NEK4: variants seen among roughly 807,000 people sequenced by gnomAD.
The protein encoded by NEK4 is NIMA related kinase 4, also known as serine/threonine-protein kinase Nek4.
NEK4 carries 86 observed loss-of-function variants against 98.4 expected under a neutral mutation model. That is an observed-to-expected ratio of 0.87 (90% CI 0.73 to 1.05). The LOEUF (loss-of-function observed/expected upper bound fraction) is 1.05, where lower values mean the gene tolerates loss of function less well. Ranked by LOEUF, NEK4 falls within the 50% of genes least tolerant of loss-of-function variation. The probability of loss-of-function intolerance (pLI) is 0.00; values close to 1 mark genes in which losing one functional copy is unlikely to be tolerated. For synonymous variants in NEK4, 328 were observed against 342.2 expected, an observed-to-expected ratio of 0.96 and a Z score of 0.46; for missense variants, 898 against 950.3, an observed-to-expected ratio of 0.94 and a Z score of 0.72.
At chr3:52,744,995 A>C (rs2097393522) in intron 10 of NEK4, among the ~76,000 whole-genome samples, 1 of 151,692 alleles carries the variant, frequency 6.6e-6, no homozygotes, top group Non-Finnish European at 1.5e-5. Flanking sequence ...AGCTCACTGC[A>C]AGCTCTGCCT....
At chr3:52,742,657 TAAG>T (rs1326412332) in intron 12 of NEK4, among the ~76,000 whole-genome samples, 1 of 152,036 alleles carries the variant, frequency 6.6e-6, no homozygotes, top group Non-Finnish European at 1.5e-5. Flanking sequence ...TTGACACAAA[TAAG>T]AAACTGAGGA....
chr3:52,746,920 A>G lies in NEK4; in HGVS notation c.1507-16T>C, dbSNP rs1330534200. On this transcript the variant is annotated splice_polypyrimidine_tract_variant and intron_variant, in intron 8 of 15. Coordinates refer to ENST00000233027, the MANE Select transcript of NEK4 (RefSeq NM_003157.6). ...CAACTTGATCCTTAAAAACAATAAA[A>G]TGACATTTTAAAGTATAGCAGCAAC... The G allele has an allele frequency of 2.5e-6, 4 of 1,597,400 alleles. No homozygotes were observed. Among genetic ancestry groups the G allele is most frequent in the Non-Finnish European group, 3.4e-6 (4 of 1,165,848 alleles).
At position 52,713,813 on chromosome 3, in the gene NEK4, A is replaced by G. The variant is rs1049831753; in HGVS notation, c.2434-1944T>C. Among the ~76,000 whole-genome samples the G allele has an allele frequency of 1.2e-4, 9 of 74,562 alleles. No individual in the cohort carries two copies. In the Admixed American group the frequency reaches 1.3e-3, roughly 11 times the overall value. The allele number at this position is 74,562 out of a possible 152,430, so 48.9% of individuals were successfully genotyped here. On this transcript the variant is annotated intron_variant, in intron 15 of 15. Transcript: ENST00000233027. ...CCCTCTCAAAAAAAAAAAAAAAAAA[A>G]AAGTCAAAGTCAGGAAAAACAAAGT...
chr3:52,750,317 G>A (rs2097402944), intron 7 of NEK4, among the ~76,000 whole-genome samples: 1 of 152,106 alleles, frequency 6.6e-6, no homozygotes, highest in Admixed American at 6.5e-5. Flanking sequence ...GGAGGCCAAG[G>A]CAGGCGATTC....
chr3:52,746,223 A>C lies in NEK4; in HGVS notation c.1678-13T>G, dbSNP rs186429523. 14,182 of 1,612,646 alleles carry C rather than the reference A, an allele frequency of 8.8e-3. 303 individuals are homozygous for C. Among genetic ancestry groups the C allele is most frequent in the South Asian group, 0.069 (6,300 of 90,976 alleles). Reference sequence around the variant, plus strand: ...GCGACTCTTGGAACTTAAATAATTAAAAAAGAAGATTATCAGTTTCATATA... The same window carrying C: ...GCGACTCTTGGAACTTAAATAATTACAAAAGAAGATTATCAGTTTCATATA... On this transcript the variant is annotated splice_polypyrimidine_tract_variant and intron_variant, in intron 9 of 15. Transcript: ENST00000233027.
chr3:52,737,371 G>A (rs879649432), intron 15 of NEK4: 1 of 463,774 alleles, frequency 2.2e-6, no homozygotes, highest in Non-Finnish European at 3.8e-6. Context: ...GCGGACCATG[G>A]GGAGTGACTG....
intron 15 of NEK4, among the ~76,000 whole-genome samples, chr3:52,736,782 T>C (rs1025490099): frequency 1.3e-5 from 2 of 152,172 alleles, no homozygotes; most frequent in African/African-American, 4.8e-5. Flanking sequence ...AGGCATACAT[T>C]AGTCTTTATC....
At chr3:52,744,100 C>A in intron 11 of NEK4, 139 bp downstream of exon 11, 1 of 705,894 alleles carries the variant, frequency 1.4e-6, no homozygotes, top group Non-Finnish European at 2.6e-6. Context: ...TAAGAAATTT[C>A]AAAATCTTTT....
In NEK4 at chr3:52,709,553, TAGCC is replaced by T. The variant is rs1323739126; in HGVS notation, c.*2220_*2223del. 2.0e-5 allele frequency: 3 copies of T among 151,332 alleles called. No individual in the cohort carries two copies. The highest frequency in any genetic ancestry group is 2.1e-4 in the South Asian group (1 of 4,780). The allele number at this position is 151,332 out of a possible 1,614,324, so 9.4% of individuals were successfully genotyped here. On this transcript the variant is annotated 3_prime_UTR_variant, in exon 16 of 16. Transcript: ENST00000233027. ...CCTCTCCACAAAAAATTTTAAAAAT[TAGCC>T]AGGTGTGGTGGTGCATGCCTGTGGT...
intron 1 of NEK4, 73 bp downstream of exon 1, chr3:52,770,581 C>A: frequency 8.4e-7 from 1 of 1,194,490 alleles, no homozygotes; most frequent in Non-Finnish European, 1.2e-6. Context: ...CACCCCCGAC[C>A]TAATCTACCG....
intron 15 of NEK4, among the ~76,000 whole-genome samples, chr3:52,719,424 A>G (rs2097358156): frequency 6.6e-6 from 1 of 152,042 alleles, no homozygotes; most frequent in African/African-American, 2.4e-5. Context: ...TCTCTACTAA[A>G]AATACAAAAT....
At chr3:52,739,005 T>C (rs188009141) in intron 14 of NEK4, among the ~76,000 whole-genome samples, 103 of 152,356 alleles carry the variant, frequency 6.8e-4, no homozygotes, top group African/African-American at 2.2e-3. Context: ...TATGGAGATA[T>C]GCAAATGAAA....
chr3:52,734,666 C>CAAA (rs59075830), intron 15 of NEK4: 110 of 71,176 alleles, frequency 1.5e-3, no homozygotes, highest in East Asian at 2.3e-3. Context: ...GACTCCGTCT[C>CAAA]AAAAAAAAAA....
chr3:52,742,785 C>T (rs903305654), intron 12 of NEK4, among the ~76,000 whole-genome samples: 26 of 152,106 alleles, frequency 1.7e-4, no homozygotes, highest in Admixed American at 5.2e-4. Flanking sequence ...TATTTATTTA[C>T]TTATTTATTT....
rs1698757717 is a variant in NEK4 at position 52,770,852 on chromosome 3, C to T, written c.-106G>A. ...GCCCGAGAGGGGGCAGTGGGGGCGG[C>T]TGTTGAGGCAGCCGGGCCCGGGCGG... is the stretch of plus-strand genomic sequence containing the variant. On this transcript the variant is annotated 5_prime_UTR_variant, in exon 1 of 16. Transcript: ENST00000233027. The T allele has an allele frequency of 4.0e-6, 4 of 997,368 alleles. 1 individual carries two copies. The highest frequency in any genetic ancestry group is 4.1e-5 in the Admixed American group (2 of 48,524). 61.8% of individuals were successfully genotyped at this position (997,368 alleles called of 1,614,324 possible).
At chr3:52,770,358 T>A (rs192725026) in intron 1 of NEK4, among the ~76,000 whole-genome samples, 1 of 102,670 alleles carries the variant, frequency 9.7e-6, no homozygotes, top group East Asian at 2.7e-4. Context: ...CGCATGCCAA[T>A]TAGTACAACA....
rs1162412256 is a variant in NEK4 at position 52,708,788 on chromosome 3, TTCAG to T, written c.*2985_*2988del. The T allele has an allele frequency of 2.6e-5, 4 of 152,076 alleles. No homozygotes were observed. The highest frequency in any genetic ancestry group is 6.5e-5 in the Admixed American group (1 of 15,278). 9.4% of individuals were successfully genotyped at this position (152,076 alleles called of 1,614,324 possible). A position where few individuals can be genotyped will look rare whatever the true frequency, so the allele number is the denominator to read the frequency against. ...AGCAGTAAAGGTTGTGCAGGTGATA[TTCAG>T]TAACACTGCAGTGTAGCCAGAGCAA... On this transcript the variant is annotated 3_prime_UTR_variant, in exon 16 of 16. Coordinates refer to ENST00000233027, the MANE Select transcript of NEK4 (RefSeq NM_003157.6).
At chr3:52,712,626 T>C (rs2154101681) in intron 15 of NEK4, among the ~76,000 whole-genome samples, 1 of 152,186 alleles carries the variant, frequency 6.6e-6, no homozygotes, top group Non-Finnish European at 1.5e-5. Context: ...TTTTATTGAG[T>C]GAAAGTAGCT....
chr3:52,719,539 C>T (rs543909122), intron 15 of NEK4, among the ~76,000 whole-genome samples: 19 of 148,950 alleles, frequency 1.3e-4, no homozygotes, highest in South Asian at 2.1e-4. Flanking sequence ...GCGAAGATCA[C>T]GCCACTGCAC....
Sources: allele counts gnomAD v4.1 joint callset (sites outside exome capture counted in the v4.1 genomes callset), GRCh38; gene constraint gnomAD v4.1.1; transcripts MANE v1.5; gene names NCBI Gene and HGNC (gene_info 2026-07-23, HGNC 2026-07-21).